GPHN: variants seen among roughly 807,000 people sequenced by gnomAD.
GPHN encodes gephyrin.
A neutral mutation model predicts 95.5 loss-of-function variants in GPHN; 17 were observed. The observed-to-expected ratio is 0.18, with a 90% CI of 0.12 to 0.27. The LOEUF is 0.27. GPHN is among the 10% of genes least tolerant of loss of function. The pLI, the probability that GPHN is intolerant of heterozygous loss-of-function variation, is 1.00. For missense variants in GPHN, 660 were observed against 978.1 expected (o/e 0.67, Z 4.34); for synonymous variants, 320 against 322.5 (o/e 0.99, Z 0.08).
the GPHN span, among the ~76,000 whole-genome samples, chr14:67,603,443 TACTC>T: frequency 9.3e-4 from 141 of 152,324 alleles, 2 homozygotes; most frequent in African/African-American, 2.4e-3. Context: ...TTTTTAAAAA[TACTC>T]AATTATTAGG....
the GPHN span, among the ~76,000 whole-genome samples, chr14:67,410,914 G>C: frequency 6.6e-6 from 1 of 152,146 alleles, no homozygotes. Context: ...GGGAGGCTAA[G>C]GTGGGCAGAT....
the GPHN span, among the ~76,000 whole-genome samples, chr14:67,730,344 G>C: frequency 6.6e-6 from 1 of 152,136 alleles, no homozygotes; most frequent in East Asian, 1.9e-4. Context: ...AATATGGCTA[G>C]TCCAGATTGA....
At chr14:66,744,289 C>A (rs917348472) in intron 2 of GPHN, among the ~76,000 whole-genome samples, 1 of 152,172 alleles carries the variant, frequency 6.6e-6, no homozygotes, top group Non-Finnish European at 1.5e-5. Flanking sequence ...TCTTCTTGAT[C>A]TCCCTTATTA....
chr14:67,132,864 TATATG>T (rs2079808818), intron 17 of GPHN, among the ~76,000 whole-genome samples: 1 of 150,976 alleles, frequency 6.6e-6, no homozygotes, highest in African/African-American at 2.4e-5. Context: ...TATATATAAA[TATATG>T]ATATATATTT....
At chr14:66,977,840 A>T (rs2153596629) in intron 9 of GPHN, among the ~76,000 whole-genome samples, 1 of 152,314 alleles carries the variant, frequency 6.6e-6, no homozygotes, top group South Asian at 2.1e-4. Context: ...AATTACACGG[A>T]TGTCCTTTGG....
At chr14:67,278,067 C>T in the GPHN span, among the ~76,000 whole-genome samples, 3 of 146,184 alleles carry the variant, frequency 2.1e-5, no homozygotes, top group Middle Eastern at 3.6e-3. Context: ...GATGGAGTCT[C>T]GCTCTGTCAC....
chr14:67,252,623 G>A, the GPHN span, among the ~76,000 whole-genome samples: 1 of 152,198 alleles, frequency 6.6e-6, no homozygotes, highest in East Asian at 1.9e-4. Context: ...CAGGTAGATA[G>A]TGTCAGAATG....
intron 10 of GPHN, among the ~76,000 whole-genome samples, chr14:67,029,123 C>G (rs940525857): frequency 1.3e-5 from 2 of 152,088 alleles, no homozygotes; most frequent in Admixed American, 6.5e-5. Flanking sequence ...AGGAAGACAC[C>G]TTTTCTCTGA....
intron 11 of GPHN, among the ~76,000 whole-genome samples, chr14:67,062,240 T>C (rs1370695409): frequency 6.6e-6 from 1 of 152,232 alleles, no homozygotes. Flanking sequence ...CAAACCTTTA[T>C]AGTTTGTTTT....
chr14:67,164,365 A>ACATTCCTTT (rs2082150907), intron 19 of GPHN, among the ~76,000 whole-genome samples: 1 of 151,400 alleles, frequency 6.6e-6, no homozygotes, highest in South Asian at 2.1e-4. Context: ...GATAAGAGGG[A>ACATTCCTTT]AGTGTTTATG....
chr14:67,644,529 T>C, the GPHN span, among the ~76,000 whole-genome samples: 2 of 152,212 alleles, frequency 1.3e-5, no homozygotes, highest in African/African-American at 4.8e-5. Flanking sequence ...AGAAGGATGG[T>C]TGCAGTCCTA....
chr14:67,378,909 TTTG>T, the GPHN span, among the ~76,000 whole-genome samples: 7 of 152,230 alleles, frequency 4.6e-5, no homozygotes, highest in African/African-American at 1.7e-4. Flanking sequence ...ATCAATATCA[TTTG>T]TTTTTATTGT....
chr14:66,977,854 A>G (rs1021449419), intron 9 of GPHN, among the ~76,000 whole-genome samples: 2 of 152,128 alleles, frequency 1.3e-5, no homozygotes, highest in Non-Finnish European at 2.9e-5. Context: ...CCTTTGGCCT[A>G]TTTTTCAGAT....
chr14:67,307,892 G>A, the GPHN span, among the ~76,000 whole-genome samples: 3 of 152,024 alleles, frequency 2.0e-5, no homozygotes, highest in Admixed American at 6.6e-5. Context: ...CATGGAATAC[G>A]AATGCAGCCA....
chr14:67,568,901 T>C, the GPHN span: 1 of 493,044 alleles, frequency 2.0e-6, no homozygotes, highest in Middle Eastern at 5.4e-4. Flanking sequence ...GTTAAATGCT[T>C]ATGTTAAGTA....
At chr14:67,693,536 C>T in the GPHN span, among the ~76,000 whole-genome samples, 1 of 151,424 alleles carries the variant, frequency 6.6e-6, no homozygotes, top group Non-Finnish European at 1.5e-5. Flanking sequence ...AACACACCCA[C>T]ACGCATGCAC....
chr14:66,621,778 G>C (rs773453335), intron 1 of GPHN, among the ~76,000 whole-genome samples: 5 of 152,080 alleles, frequency 3.3e-5, no homozygotes, highest in Admixed American at 6.5e-5. Context: ...TCTCATGTCC[G>C]GGTCATGCTG....
intron 11 of GPHN, among the ~76,000 whole-genome samples, chr14:67,079,711 T>A (rs2076618142): frequency 6.6e-6 from 1 of 152,096 alleles, no homozygotes. Flanking sequence ...TCTTCAGAAT[T>A]GTTTCAATTC....
chr14:67,156,873 G>C (rs1046410681), intron 18 of GPHN, among the ~76,000 whole-genome samples: 1 of 151,718 alleles, frequency 6.6e-6, no homozygotes, highest in South Asian at 2.1e-4. Flanking sequence ...AGGAGGCTGA[G>C]ACATGCAATC....
Sources: gnomAD v4.1 joint callset for allele counts (sites outside exome capture counted in the v4.1 genomes callset) on GRCh38, gnomAD v4.1.1 for gene constraint, MANE v1.5 for transcripts, NCBI Gene and HGNC (gene_info 2026-07-23, HGNC 2026-07-21) for gene names.